The following SPPL3 variants were observed in gnomAD, a reference collection of about 807,000 sequenced individuals.
The protein encoded by SPPL3 is signal peptide peptidase-like 3.
Under a neutral mutation model 42.4 loss-of-function variants are expected in SPPL3, and 5 were observed. The observed-to-expected ratio is 0.12, with a 90% CI of 0.06 to 0.25. The LOEUF is 0.25. Among genes scored for constraint, SPPL3 ranks in the 10% least tolerant of loss-of-function variants. The pLI is 1.00. For missense variants in SPPL3, 235 were observed against 489.0 expected (o/e 0.48, Z 4.90); for synonymous variants, 195 against 181.8 (o/e 1.07, Z -0.58).
chr12:120,860,633 C>CT (rs1025812651), intron 1 of SPPL3, among the ~76,000 whole-genome samples: 1 of 152,008 alleles, frequency 6.6e-6, no homozygotes, highest in Non-Finnish European at 1.5e-5. Flanking sequence ...GTTTTTGTTT[C>CT]TTTTTTCTGG....
At chr12:120,884,565 A>C (rs1014838109) in intron 1 of SPPL3, among the ~76,000 whole-genome samples, 7 of 145,548 alleles carry the variant, frequency 4.8e-5, no homozygotes, top group Non-Finnish European at 1.5e-5. Context: ...AAAAAAAAAA[A>C]CCAACTGTCA....
chr12:120,839,113 G>A (rs1436575940), intron 1 of SPPL3, among the ~76,000 whole-genome samples: 2 of 151,850 alleles, frequency 1.3e-5, no homozygotes, highest in East Asian at 3.9e-4. Flanking sequence ...CAACCCAAAT[G>A]TCCAACAATG....
chr12:120,887,416 T>A (rs1022136401), intron 1 of SPPL3, among the ~76,000 whole-genome samples: 1 of 152,020 alleles, frequency 6.6e-6, no homozygotes, highest in Admixed American at 6.6e-5. Flanking sequence ...AACTGACACA[T>A]CAAGGCACCC....
chr12:120,900,185 G>C (rs548638676), intron 1 of SPPL3, among the ~76,000 whole-genome samples: 4 of 152,036 alleles, frequency 2.6e-5, no homozygotes, highest in African/African-American at 7.2e-5. Flanking sequence ...AAAATCCTAA[G>C]GGAGCCCATC....
At position 120,768,379 on chromosome 12, in the gene SPPL3, T is replaced by C. The variant is rs150882911; in HGVS notation, c.719A>G (p.Asn240Ser). 1.2e-4 allele frequency: 193 copies of C among 1,614,164 alleles called. 1 individual carries two copies. The highest frequency in any genetic ancestry group is 1.1e-3 in the African/African-American group (86 of 75,046). Reference protein sequence around the residue: ...VLSRKLHLGPNVGRDVPRLSL... With the variant: ...VLSRKLHLGPSVGRDVPRLSL... ...CAGGCGAGGAACATCACGCCCAACA[T>C]TGGGCCCCAGGTGGAGCTTCCGGGA... is the stretch of plus-strand genomic sequence containing the variant. The change falls in exon 8 of 11, where the codon AAT becomes AGT. Residue 240 changes from asparagine to serine, a missense_variant. This residue lies in a region of SPPL3 where 20 missense variants were observed against 28.2 expected (regional missense o/e 0.71). Transcript: ENST00000353487.
chr12:120,794,167 ATTC>A (rs1475329409), intron 2 of SPPL3, among the ~76,000 whole-genome samples: 1 of 152,188 alleles, frequency 6.6e-6, no homozygotes, highest in African/African-American at 2.4e-5. Flanking sequence ...CTGTGGTAGT[ATTC>A]TTTACTCTGA....
chr12:120,857,608 A>C (rs926657749), intron 1 of SPPL3, among the ~76,000 whole-genome samples: 1 of 152,230 alleles, frequency 6.6e-6, no homozygotes, highest in Non-Finnish European at 1.5e-5. Context: ...GATAAAGAAA[A>C]TGTGGTACAT....
chr12:120,774,154 C>T lies in SPPL3; in HGVS notation c.503-5095G>A, dbSNP rs182833632. ...GTCTGGGTTCATCTTCAACACATCACAGCCTCTCATCATACACATGAAATC... is the reference window on the plus strand; with the variant it reads ...GTCTGGGTTCATCTTCAACACATCATAGCCTCTCATCATACACATGAAATC... On this transcript the variant is annotated intron_variant, in intron 6 of 10. Coordinates refer to ENST00000353487, the MANE Select transcript of SPPL3 (RefSeq NM_139015.5). Among the ~76,000 whole-genome samples, 799 of 152,334 alleles carry T rather than the reference C, an allele frequency of 5.2e-3. 2 individuals carry two copies. The highest frequency in any genetic ancestry group is 9.0e-3 in the Non-Finnish European group (610 of 68,032).
chr12:120,882,761 G>A (rs767423158), intron 1 of SPPL3, among the ~76,000 whole-genome samples: 1 of 152,080 alleles, frequency 6.6e-6, no homozygotes, highest in Non-Finnish European at 1.5e-5. Context: ...GGGCACAGTG[G>A]CTTATATCTG....
At chr12:120,820,767 C>A (rs1337108362) in intron 1 of SPPL3, among the ~76,000 whole-genome samples, 1 of 151,740 alleles carries the variant, frequency 6.6e-6, no homozygotes, top group African/African-American at 2.4e-5. Context: ...TAAATTTAAC[C>A]ATTTACGTGC....
At chr12:120,782,822 A>AGGAGAATTTGG in intron 5 of SPPL3, 55 bp from the exon 6 acceptor site, 1 of 1,317,046 alleles carries the variant, frequency 7.6e-7, no homozygotes, top group Non-Finnish European at 1.1e-6. Context: ...CAGTAACCAA[A>AGGAGAATTTGG]TTCTCCTTTG....
At chr12:120,805,810 AGC>A (rs1870468869) in intron 2 of SPPL3, among the ~76,000 whole-genome samples, 1 of 152,236 alleles carries the variant, frequency 6.6e-6, no homozygotes, top group South Asian at 2.1e-4. Flanking sequence ...AAATAGTGCA[AGC>A]CTTGCACACT....
At chr12:120,861,259 G>A (rs1186352279) in intron 1 of SPPL3, among the ~76,000 whole-genome samples, 2 of 152,156 alleles carry the variant, frequency 1.3e-5, no homozygotes, top group Admixed American at 6.5e-5. Context: ...GGGCATGGCT[G>A]TGTTACAATA....
intron 1 of SPPL3, among the ~76,000 whole-genome samples, chr12:120,873,021 A>G (rs1354178475): frequency 2.0e-5 from 3 of 152,252 alleles, no homozygotes; most frequent in African/African-American, 7.2e-5. Flanking sequence ...ATTGAAATAA[A>G]TCTACAAATG....
At chr12:120,875,905 C>T (rs1240807541) in intron 1 of SPPL3, among the ~76,000 whole-genome samples, 1 of 151,966 alleles carries the variant, frequency 6.6e-6, no homozygotes, top group Non-Finnish European at 1.5e-5. Flanking sequence ...AAAATACATA[C>T]ACCATACAGG....
chr12:120,845,378 C>A (rs1313154482), intron 1 of SPPL3: 1 of 369,028 alleles, frequency 2.7e-6, no homozygotes, highest in East Asian at 7.0e-5. Context: ...TCAGTGCTGT[C>A]CACTACAAAA....
At chr12:120,766,157 C>T in intron 10 of SPPL3, 106 bp downstream of exon 10, 1 of 877,308 alleles carries the variant, frequency 1.1e-6, no homozygotes, top group Admixed American at 2.6e-5. Flanking sequence ...AGATCACAAG[C>T]TCACTCAGGG....
intron 2 of SPPL3, among the ~76,000 whole-genome samples, chr12:120,802,401 G>GTATATATATACATATA (rs1566046035): frequency 1.1e-5 from 1 of 90,446 alleles, no homozygotes; most frequent in African/African-American, 8.3e-5. Flanking sequence ...ACATATATGT[G>GTATATATATACATATA]TGTGTGTGTG....
chr12:120,837,262 A>G (rs1328685819), intron 1 of SPPL3, among the ~76,000 whole-genome samples: 2 of 152,222 alleles, frequency 1.3e-5, no homozygotes, highest in Non-Finnish European at 2.9e-5. Context: ...ATCACAAGCA[A>G]TAATTGTCCC....
Sources: gnomAD v4.1 joint callset for allele counts (sites outside exome capture counted in the v4.1 genomes callset) on GRCh38, gnomAD v4.1.1 for gene constraint, gnomAD v4.1.1 regional missense constraint, MANE v1.5 for transcripts, NCBI Gene and HGNC (gene_info 2026-07-23, HGNC 2026-07-21) for gene names.